Variants in CSMD2 observed in about 807,000 individuals in gnomAD.
CSMD2 encodes CUB and Sushi multiple domains 2.
In CSMD2, 130 loss-of-function variants were observed where a neutral mutation model predicts 398.5. The ratio of observed to expected loss-of-function variants is 0.33; its 90% CI spans 0.28 to 0.38. CSMD2 has a LOEUF of 0.38. Ranked by LOEUF, CSMD2 falls within the 10% of genes least tolerant of loss-of-function variation. CSMD2 has a pLI of 1.00. For missense variants in CSMD2, 3,829 were observed against 4,764.9 expected (o/e 0.80, Z 5.78); for synonymous variants, 1,828 against 1,908.5 (o/e 0.96, Z 1.10).
chr1:34,040,973 A>G (rs978149847), intron 2 of CSMD2, among the ~76,000 whole-genome samples: 2 of 152,026 alleles, frequency 1.3e-5, no homozygotes, highest in Non-Finnish European at 2.9e-5. Context: ...AAAACTTTCA[A>G]GAATAGTTGT....
At chr1:34,119,214 C>T (rs752466350) in intron 1 of CSMD2, among the ~76,000 whole-genome samples, 1 of 152,092 alleles carries the variant, frequency 6.6e-6, no homozygotes, top group Non-Finnish European at 1.5e-5. Flanking sequence ...AACTGGATAT[C>T]TACATGCAGA....
At chr1:33,826,066 A>C (rs1658775768) in intron 6 of CSMD2, among the ~76,000 whole-genome samples, 1 of 152,196 alleles carries the variant, frequency 6.6e-6, no homozygotes, top group African/African-American at 2.4e-5. Flanking sequence ...CAGATGTCTG[A>C]GATTTCACCA....
chr1:34,037,615 A>G lies in CSMD2; in HGVS notation c.405-4909T>C, dbSNP rs144906274. ...TCACAGCAGCTGCAACTTGTCTCTC[A>G]CCCATGTCTACCAGAATTATGCCCT... On this transcript the variant is annotated intron_variant, in intron 2 of 70. Coordinates refer to ENST00000373381, the MANE Select transcript of CSMD2 (RefSeq NM_001281956.2). 7.8e-3 allele frequency among the ~76,000 whole-genome samples: 1,194 copies of G among 152,112 alleles called. 26 individuals are homozygous for G. The highest frequency in any genetic ancestry group is 0.064 in the South Asian group (306 of 4,812).
rs201785327 is a variant in CSMD2, at chr1:34,150,075, C to CTTTTT, written c.187+14835_187+14836insAAAAA. Among the ~76,000 whole-genome samples the CTTTTT allele has an allele frequency of 3.4e-4, 41 of 119,616 alleles. 7 individuals carry two copies. The highest frequency in any genetic ancestry group is 7.8e-4 in the African/African-American group (27 of 34,644). 78.5% of individuals were successfully genotyped at this position (119,616 alleles called of 152,430 possible). ...AGACCTGGAAATCTACATTTTTCTT[C>CTTTTT]TTTCTTTTTTTTTTGTTTTTTTTTG... On this transcript the variant is annotated intron_variant, in intron 1 of 70. Coordinates refer to ENST00000373381, the MANE Select transcript of CSMD2 (RefSeq NM_001281956.2).
At chr1:33,964,207 C>A (rs1645473904) in intron 3 of CSMD2, among the ~76,000 whole-genome samples, 1 of 151,438 alleles carries the variant, frequency 6.6e-6, no homozygotes, top group Admixed American at 6.6e-5. Flanking sequence ...GGGTTCAAAT[C>A]CTGGCTCTAC....
At chr1:33,600,554 C>A in intron 44 of CSMD2, 1 of 513,048 alleles carries the variant, frequency 1.9e-6, no homozygotes, top group Non-Finnish European at 3.4e-6. Context: ...TAAGCTGGGG[C>A]ACAGGTATAG....
chr1:33,712,457 G>T (rs142478836), intron 21 of CSMD2, among the ~76,000 whole-genome samples: 14 of 152,334 alleles, frequency 9.2e-5, no homozygotes, highest in African/African-American at 3.1e-4. Flanking sequence ...CCCCCGGTGG[G>T]CATTCCTGAG....
chr1:34,161,344 T>A (rs1260868864), intron 1 of CSMD2, among the ~76,000 whole-genome samples: 1 of 152,108 alleles, frequency 6.6e-6, no homozygotes. Flanking sequence ...GCAGAAGAGA[T>A]CTGTCTGGAA....
At chr1:33,979,805 C>T (rs1187389240) in intron 3 of CSMD2, among the ~76,000 whole-genome samples, 8 of 152,182 alleles carry the variant, frequency 5.3e-5, no homozygotes, top group Non-Finnish European at 1.2e-4. Flanking sequence ...GCCCATCTGC[C>T]TGGGTCCAAA....
chr1:33,552,745 A>G (rs1309188845), intron 55 of CSMD2, among the ~76,000 whole-genome samples: 4 of 152,236 alleles, frequency 2.6e-5, no homozygotes, highest in African/African-American at 7.2e-5. Context: ...CCACAGAGAC[A>G]GAAAAGTACA....
intron 3 of CSMD2, among the ~76,000 whole-genome samples, chr1:33,989,609 A>T (rs1244500505): frequency 6.6e-6 from 1 of 152,200 alleles, no homozygotes; most frequent in Non-Finnish European, 1.5e-5. Context: ...TGGATAAAGA[A>T]ATTATGGTAT....
At chr1:33,804,298 T>A (rs576936042) in intron 10 of CSMD2, among the ~76,000 whole-genome samples, 1 of 152,306 alleles carries the variant, frequency 6.6e-6, no homozygotes, top group South Asian at 2.1e-4. Flanking sequence ...ATGATCTGAA[T>A]CCTGCTTACC....
intron 5 of CSMD2, among the ~76,000 whole-genome samples, chr1:33,905,267 G>A (rs6425858): frequency 0.36 from 54,339 of 151,762 alleles, 11,283 homozygotes; most frequent in East Asian, 0.59. Flanking sequence ...GAGAGTCCCA[G>A]GACCCTCTGG....
chr1:33,761,682 T>C (rs560153282), intron 13 of CSMD2, among the ~76,000 whole-genome samples: 1 of 152,344 alleles, frequency 6.6e-6, no homozygotes, highest in African/African-American at 2.4e-5. Flanking sequence ...TCTAAGCCTG[T>C]TCGTCAGAGC....
rs571722324 is a variant in CSMD2 at position 33,961,770 on chromosome 1, T to C, written c.518-25816A>G. On this transcript the variant is annotated intron_variant, in intron 3 of 70. Transcript: ENST00000373381. Reference sequence around the variant, plus strand: ...TTCTCTCTTTCTCCCTCTCTTGCCATGGGACACGCTGGCTTCCCTTCACCT... The same window carrying C: ...TTCTCTCTTTCTCCCTCTCTTGCCACGGGACACGCTGGCTTCCCTTCACCT... 3.3e-5 allele frequency among the ~76,000 whole-genome samples: 5 copies of C among 152,250 alleles called. No individual in the cohort carries two copies. In the East Asian group the frequency reaches 9.7e-4, roughly 30 times the overall value.
At chr1:33,553,483 C>T (rs1657659636) in intron 55 of CSMD2, among the ~76,000 whole-genome samples, 1 of 152,060 alleles carries the variant, frequency 6.6e-6, no homozygotes, top group Admixed American at 6.5e-5. Context: ...CTTGAGTGCC[C>T]CTATTCCCTG....
At chr1:33,587,316 G>T in intron 44 of CSMD2, 148 bp from the exon 45 acceptor site, 2 of 601,302 alleles carry the variant, frequency 3.3e-6, no homozygotes, top group Non-Finnish European at 2.9e-6. Flanking sequence ...GGCAAGTTTA[G>T]CCAAGTCCTT....
intron 3 of CSMD2, among the ~76,000 whole-genome samples, chr1:33,954,495 AAGG>A (rs1296305609): frequency 2.0e-5 from 3 of 152,072 alleles, no homozygotes; most frequent in African/African-American, 7.2e-5. Flanking sequence ...GCCTCCGGTA[AAGG>A]AGAAGGAGGT....
Position 33,820,541 on chromosome 1 carries a change from A to T in CSMD2, c.1127T>A (p.Val376Glu). 6.7e-7 allele frequency: 1 copy of T among 1,485,252 alleles called. No homozygotes were observed. Among genetic ancestry groups the T allele is most frequent in the Non-Finnish European group, 9.3e-7 (1 of 1,074,224 alleles). 92.0% of individuals were successfully genotyped at this position (1,485,252 alleles called of 1,614,324 possible). A position where few individuals can be genotyped will look rare whatever the true frequency, so the allele number is the denominator to read the frequency against. Residue 376 changes from valine to glutamate, a missense_variant, in exon 8 of 71, where the codon GTG becomes GAG. Transcript: ENST00000373381. ...TGGACACATATTATGTCCTTGGGAC[A>T]CACCAACCTGAGTTACTACAAGGCA... ...QKTSVLTQVGVSQGHNMCPDP... is the reference protein window; with the variant it reads ...QKTSVLTQVGESQGHNMCPDP...
Sources: allele counts gnomAD v4.1 joint callset (sites outside exome capture counted in the v4.1 genomes callset), GRCh38; gene constraint gnomAD v4.1.1; transcripts MANE v1.5; gene names NCBI Gene and HGNC (gene_info 2026-07-23, HGNC 2026-07-21).